The following AKAP13 variants were observed in gnomAD, a reference collection of about 807,000 sequenced individuals.
AKAP13 encodes the protein A-kinase anchoring protein 13.
In AKAP13, 80 loss-of-function variants were observed where a neutral mutation model predicts 264.5. That is an observed-to-expected ratio of 0.30 (90% CI 0.25 to 0.36). The LOEUF (loss-of-function observed/expected upper bound fraction) is 0.36, where lower values mean the gene tolerates loss of function less well. AKAP13 is among the 10% of genes least tolerant of loss of function. The pLI, the probability that AKAP13 is intolerant of heterozygous loss-of-function variation, is 1.00. For missense variants in AKAP13, 3,712 were observed against 3,435.2 expected (o/e 1.08, Z -2.01); for synonymous variants, 1,380 against 1,250.2 (o/e 1.10, Z -2.19).
chr15:85,402,787 A>G (rs915453180), intron 1 of AKAP13, among the ~76,000 whole-genome samples: 1 of 152,092 alleles, frequency 6.6e-6, no homozygotes, highest in Non-Finnish European at 1.5e-5. Flanking sequence ...GCTTACTAAG[A>G]TTGTGTAGCT....
rs74429140 is a variant in AKAP13 at position 85,578,846 on chromosome 15, G to C, written c.862-84G>C. The C allele has an allele frequency of 1.9e-3, 2,555 of 1,334,200 alleles. 37 individuals carry two copies. In the African/African-American group the frequency reaches 0.033, roughly 17 times the overall value. The allele number at this position is 1,334,200 out of a possible 1,614,324, so 82.6% of individuals were successfully genotyped here. A position where few individuals can be genotyped will look rare whatever the true frequency, so the allele number is the denominator to read the frequency against. ...AAGAGCTAGAATAGAAGTGAGTTCT[G>C]TCCAACAGAATTTTTGCTCAGAGGT... On this transcript the variant is annotated intron_variant, in intron 6 of 36. Transcript: ENST00000394518.
intron 1 of AKAP13, among the ~76,000 whole-genome samples, chr15:85,428,239 G>A (rs2072882133): frequency 6.6e-6 from 1 of 152,266 alleles, no homozygotes; most frequent in South Asian, 2.1e-4. Flanking sequence ...TGCTCTTGTT[G>A]CCCAGGCTGG....
chr15:85,670,841 G>C, intron 14 of AKAP13: 1 of 152,160 alleles, frequency 6.6e-6, no homozygotes, highest in Admixed American at 6.5e-5. Flanking sequence ...GGTGTTGGAA[G>C]TTATGTAGAG....
rs28645724 is a variant in AKAP13, at chr15:85,603,453, C to A, written c.4161+17630C>A. Among the ~76,000 whole-genome samples the A allele has an allele frequency of 7.0e-3, 1,061 of 152,338 alleles. 19 individuals carry two copies. The highest frequency in any genetic ancestry group is 0.025 in the African/African-American group (1,021 of 41,560). ...GAAAATAGTTTTGATCACACAGACA[C>A]CCTGAAAAGGTCTCCTCAAGGTTTT... On this transcript the variant is annotated intron_variant, in intron 8 of 36. Coordinates refer to ENST00000394518, the MANE Select transcript of AKAP13 (RefSeq NM_007200.5).
chr15:85,675,865 C>T lies in AKAP13; in HGVS notation c.5101+6035C>T, dbSNP rs569868788. ...TGGTCGAATAATGATTAGAACACTT[C>T]AGGCTGACCATAGTGAGAATGTATT... On this transcript the variant is annotated intron_variant, in intron 14 of 36. Transcript: ENST00000394518. Among the ~76,000 whole-genome samples, 307 of 151,868 alleles carry T rather than the reference C, an allele frequency of 2.0e-3. 3 individuals are homozygous for T. Among genetic ancestry groups the T allele is most frequent in the Non-Finnish European group, 3.2e-3 (218 of 68,006 alleles).
At chr15:85,616,420 A>T (rs2080939319) in intron 8 of AKAP13, among the ~76,000 whole-genome samples, 1 of 152,180 alleles carries the variant, frequency 6.6e-6, no homozygotes, top group Non-Finnish European at 1.5e-5. Context: ...CATTTTCTGG[A>T]ATCTTTAATA....
rs928534743 is a variant in AKAP13, at chr15:85,474,976, C to T, written c.-11-10734C>T. Among the ~76,000 whole-genome samples the T allele has an allele frequency of 1.8e-4, 28 of 152,270 alleles. No individual in the cohort carries two copies. In the East Asian group the frequency reaches 3.3e-3, roughly 18 times the overall value. ...CTTGGAAATCATTCCTAACAGGTCT[C>T]GCATTTGTCCAGGTAAGGTCATCCA... is the stretch of plus-strand genomic sequence containing the variant. On this transcript the variant is annotated intron_variant, in intron 1 of 36. Coordinates refer to ENST00000394518, the MANE Select transcript of AKAP13 (RefSeq NM_007200.5).
chr15:85,465,635 GAATGA>G (rs1447510635), intron 1 of AKAP13, among the ~76,000 whole-genome samples: 1 of 151,152 alleles, frequency 6.6e-6, no homozygotes, highest in East Asian at 1.9e-4. Flanking sequence ...AGTTTACTGA[GAATGA>G]TGATTTCCAA....
intron 12 of AKAP13, among the ~76,000 whole-genome samples, chr15:85,659,871 G>A (rs1202251967): frequency 6.6e-6 from 1 of 152,136 alleles, no homozygotes; most frequent in East Asian, 1.9e-4. Flanking sequence ...GACATTTGTT[G>A]TTTTTTAATC....
At chr15:85,407,867 G>T (rs1311782884) in intron 1 of AKAP13, among the ~76,000 whole-genome samples, 1 of 151,678 alleles carries the variant, frequency 6.6e-6, no homozygotes, top group African/African-American at 2.4e-5. Context: ...AGGGAGAAGG[G>T]AGCATTGCCT....
At chr15:85,504,884 T>A (rs1165020625) in intron 2 of AKAP13, among the ~76,000 whole-genome samples, 1 of 151,976 alleles carries the variant, frequency 6.6e-6, no homozygotes, top group Non-Finnish European at 1.5e-5. Flanking sequence ...TCTCTCTTGC[T>A]CTCTCGCTCT....
chr15:85,668,501 ATTATCAAATTTCAG>A (rs1260552918), intron 13 of AKAP13, among the ~76,000 whole-genome samples: 1 of 152,246 alleles, frequency 6.6e-6, no homozygotes, highest in Non-Finnish European at 1.5e-5. Context: ...AGAGAGTTAA[ATTATCAAATTTCAG>A]TTACCTTTAC....
chr15:85,654,036 T>C (rs1213836614), intron 10 of AKAP13, among the ~76,000 whole-genome samples: 1 of 152,192 alleles, frequency 6.6e-6, no homozygotes, highest in Non-Finnish European at 1.5e-5. Context: ...TTTCAACAAG[T>C]AGAAAATGTC....
At chr15:85,504,503 CAAAAAAAAAAAAAAAAAAAAAAAA>C (rs566579814) in intron 2 of AKAP13, among the ~76,000 whole-genome samples, 15 of 91,070 alleles carry the variant, frequency 1.6e-4, no homozygotes, top group African/African-American at 5.6e-4. Context: ...CCTGTCTTTA[CAAAAAAAAAAAAAAAAAAAAAAAA>C]AAAAAAAAGA....
chr15:85,443,901 TTCA>T (rs1171733960), intron 1 of AKAP13, among the ~76,000 whole-genome samples: 1 of 152,186 alleles, frequency 6.6e-6, no homozygotes, highest in Non-Finnish European at 1.5e-5. Flanking sequence ...ATGTGCTCAC[TTCA>T]TCAAATGGCA....
intron 5 of AKAP13, among the ~76,000 whole-genome samples, chr15:85,548,168 G>A (rs770771958): frequency 3.3e-5 from 5 of 152,176 alleles, no homozygotes; most frequent in Non-Finnish European, 5.9e-5. Flanking sequence ...GTAAGAGGAG[G>A]CTCCAGCTAG....
At chr15:85,653,298 C>T (rs544922103) in intron 10 of AKAP13, among the ~76,000 whole-genome samples, 122 of 152,134 alleles carry the variant, frequency 8.0e-4, no homozygotes, top group African/African-American at 2.8e-3. Flanking sequence ...ATTGAGATAC[C>T]AGAATAGGGC....
chr15:85,527,980 T>G (rs1042038263), intron 3 of AKAP13, among the ~76,000 whole-genome samples: 6 of 152,228 alleles, frequency 3.9e-5, no homozygotes, highest in African/African-American at 1.4e-4. Flanking sequence ...AGCAAACACT[T>G]TTAGGGTTTC....
rs1419497670 is a variant in AKAP13, at chr15:85,708,083, GAAGGT to G, written c.5532+1_5532+5del. On this transcript the variant is annotated splice_donor_variant and coding_sequence_variant, in exon 18 of 37. Transcript: ENST00000394518. LOFTEE classifies it high-confidence loss of function. This position sits in a 1 kb window ranked among gnomAD's most constrained non-coding sequence, Gnocchi z 4.3. ...TAGCCTCCTGTGCAAAGGTCAAAAT[GAAGGT>G]AAGACTTTCTGGCTAAAACAAGGCT... The G allele has an allele frequency of 6.2e-7, 1 of 1,613,574 alleles. No individual in the cohort carries two copies. Among genetic ancestry groups the G allele is most frequent in the African/African-American group, 1.3e-5 (1 of 74,916 alleles).
Sources: allele counts gnomAD v4.1 joint callset (sites outside exome capture counted in the v4.1 genomes callset), GRCh38; gene constraint gnomAD v4.1.1; non-coding constraint Gnocchi (gnomAD v3.1); transcripts MANE v1.5; gene names NCBI Gene and HGNC (gene_info 2026-07-23, HGNC 2026-07-21).